GOLIM4: variants seen among roughly 807,000 people sequenced by gnomAD.
The protein encoded by GOLIM4 is 130 kDa golgi-localized phosphoprotein.
In GOLIM4, 71 loss-of-function variants were observed where a neutral mutation model predicts 107.4. The observed-to-expected ratio is 0.66, with a 90% CI of 0.55 to 0.81. The LOEUF is 0.81. GOLIM4 is among the 30% of genes least tolerant of loss of function. The probability of loss-of-function intolerance (pLI) is 0.00; values close to 1 mark genes in which losing one functional copy is unlikely to be tolerated. For missense variants in GOLIM4, 830 were observed against 826.1 expected, an observed-to-expected ratio of 1.00 and a Z score of -0.06; for synonymous variants, 327 against 294.8, an observed-to-expected ratio of 1.11 and a Z score of -1.12.
intron 1 of GOLIM4, among the ~76,000 whole-genome samples, chr3:168,070,940 T>C (rs1411508004): frequency 1.3e-5 from 2 of 152,216 alleles, no homozygotes; most frequent in African/African-American, 4.8e-5. Flanking sequence ...GCTAAATCTA[T>C]TCTAAGATTA....
At chr3:168,083,398 T>C (rs1242093623) in intron 1 of GOLIM4, among the ~76,000 whole-genome samples, 2 of 152,190 alleles carry the variant, frequency 1.3e-5, no homozygotes, top group Admixed American at 6.5e-5. Flanking sequence ...ATATTATCAA[T>C]GGGTTTTGAA....
intron 3 of GOLIM4, 37 bp downstream of exon 3, chr3:168,046,913 G>GAA: frequency 1.8e-6 from 2 of 1,113,780 alleles, no homozygotes; most frequent in Non-Finnish European, 2.5e-6. Context: ...ACAAATTAAG[G>GAA]AAAACAAACA....
rs9833493 is a variant in GOLIM4 at position 168,066,821 on chromosome 3, A to G, written c.188-18456T>C. On this transcript the variant is annotated intron_variant, in intron 1 of 15. Coordinates refer to ENST00000470487, the MANE Select transcript of GOLIM4 (RefSeq NM_014498.5). ...TTATCTTACATGCACAATGCTTAAAATGCATTAACTTACAAAACATTAAAC... is the reference window on the plus strand; with the variant it reads ...TTATCTTACATGCACAATGCTTAAAGTGCATTAACTTACAAAACATTAAAC... Among the ~76,000 whole-genome samples the G allele has an allele frequency of 3.7e-3, 559 of 152,246 alleles. 3 individuals carry two copies. Among genetic ancestry groups the G allele is most frequent in the African/African-American group, 0.012 (511 of 41,570 alleles).
chr3:168,048,783 G>A lies in GOLIM4; in HGVS notation c.188-418C>T, dbSNP rs147406708. On this transcript the variant is annotated intron_variant, in intron 1 of 15. Transcript: ENST00000470487. The stretch of plus-strand genomic sequence containing the variant: ...CTGGCTTCTCTCTGACTCTAGAAGG[G>A]TATTTTCTCCTAAATATTCCATAAG... Among the ~76,000 whole-genome samples, 319 of 152,238 alleles carry A rather than the reference G, an allele frequency of 2.1e-3. 1 individual carries two copies. The highest frequency in any genetic ancestry group is 7.4e-3 in the African/African-American group (306 of 41,548).
chr3:168,061,587 T>C (rs1201951808), intron 1 of GOLIM4, among the ~76,000 whole-genome samples: 1 of 152,208 alleles, frequency 6.6e-6, no homozygotes, highest in African/African-American at 2.4e-5. Flanking sequence ...ACGGATAAGC[T>C]GTGGTTGTTC....
rs145417331 is a variant in GOLIM4, at chr3:168,018,669, G to T, written c.1860+5857C>A. Among the ~76,000 whole-genome samples the T allele has an allele frequency of 2.2e-3, 338 of 152,230 alleles. 3 individuals are homozygous for T. The highest frequency in any genetic ancestry group is 7.9e-3 in the African/African-American group (327 of 41,524). On this transcript the variant is annotated intron_variant, in intron 14 of 15. Coordinates refer to ENST00000470487, the MANE Select transcript of GOLIM4 (RefSeq NM_014498.5). ...CACAGGACATTGGGATGAAAACAAT[G>T]AAGTACTTACTTCAGGCCTATCTTA...
intron 3 of GOLIM4, among the ~76,000 whole-genome samples, chr3:168,046,047 A>T (rs1200626827): frequency 6.6e-6 from 1 of 152,096 alleles, no homozygotes; most frequent in African/African-American, 2.4e-5. Flanking sequence ...ACGCCCAGCT[A>T]ATATTTTGTA....
rs1451941612 is a variant in GOLIM4 at position 168,032,437 on chromosome 3, T to C, written c.1176+83A>G. 6 of 919,296 alleles carry C rather than the reference T, an allele frequency of 6.5e-6. No homozygotes were observed. The African/African-American group carries it at 6.6e-5, about 10-fold the overall frequency. The allele number at this position is 919,296 out of a possible 1,614,324, so 56.9% of individuals were successfully genotyped here. A position where few individuals can be genotyped will look rare whatever the true frequency, so the allele number is the denominator to read the frequency against. On this transcript the variant is annotated intron_variant, in intron 9 of 15. Coordinates refer to ENST00000470487, the MANE Select transcript of GOLIM4 (RefSeq NM_014498.5). ...ATCACTCACATTTCTATTTTAGAGA[T>C]TGTGATATATTACCTTAATATGTAA... is the stretch of plus-strand genomic sequence containing the variant.
chr3:168,015,732 C>T lies in GOLIM4; in HGVS notation c.1861-4909G>A, dbSNP rs1208947483. Among the ~76,000 whole-genome samples the T allele has an allele frequency of 1.2e-4, 16 of 134,802 alleles. 1 individual carries two copies. The highest frequency in any genetic ancestry group is 4.2e-4 in the African/African-American group (11 of 26,232). 88.4% of individuals were successfully genotyped at this position (134,802 alleles called of 152,430 possible). A position where few individuals can be genotyped will look rare whatever the true frequency, so the allele number is the denominator to read the frequency against. On this transcript the variant is annotated intron_variant, in intron 14 of 15. Transcript: ENST00000470487. The stretch of plus-strand genomic sequence containing the variant: ...AACAGAACAGAGCCCTCAGAAATAA[C>T]GTCGCATATCTACAACTATCTGATC...
intron 1 of GOLIM4, among the ~76,000 whole-genome samples, chr3:168,064,634 G>T (rs957947442): frequency 6.8e-6 from 1 of 148,036 alleles, no homozygotes; most frequent in South Asian, 2.1e-4. Flanking sequence ...ACAGGGTCTC[G>T]CTACGTTGCC....
chr3:168,056,643 T>C (rs1044867190), intron 1 of GOLIM4, among the ~76,000 whole-genome samples: 1 of 152,196 alleles, frequency 6.6e-6, no homozygotes, highest in African/African-American at 2.4e-5. Context: ...ATATGAGACA[T>C]GGAATCAAAG....
At chr3:168,086,061 T>C (rs1056463825) in intron 1 of GOLIM4, among the ~76,000 whole-genome samples, 1 of 152,106 alleles carries the variant, frequency 6.6e-6, no homozygotes, top group Admixed American at 6.6e-5. Context: ...GTAAAAAAAA[T>C]TATTTTTCAT....
intron 1 of GOLIM4, among the ~76,000 whole-genome samples, chr3:168,070,860 T>C (rs967476723): frequency 6.6e-5 from 10 of 152,092 alleles, no homozygotes; most frequent in African/African-American, 2.4e-4. Flanking sequence ...CAGAGGTGAG[T>C]TCCTCAACTT....
At chr3:168,010,611 C>A in intron 15 of GOLIM4, 132 bp downstream of exon 15, 1 of 806,358 alleles carries the variant, frequency 1.2e-6, no homozygotes, top group Non-Finnish European at 2.0e-6. Context: ...TCAGGTGGGC[C>A]TGTTAAATTC....
chr3:168,070,610 T>C (rs1720786564), intron 1 of GOLIM4, among the ~76,000 whole-genome samples: 1 of 152,202 alleles, frequency 6.6e-6, no homozygotes. Context: ...AAATGAATTG[T>C]TTTTACTATT....
chr3:168,067,191 G>C (rs1461246339), intron 1 of GOLIM4, among the ~76,000 whole-genome samples: 2 of 152,034 alleles, frequency 1.3e-5, no homozygotes, highest in East Asian at 3.9e-4. Context: ...CTCCTAATGA[G>C]CATAATTTTG....
rs562923512 is a variant in GOLIM4, at chr3:168,010,150, A to G, written c.*119T>C. ...TGCGCATTTCTAATACAAAAGTTTT[A>G]AAAAAGTCTAAGTTCTTAATTTTTG... On this transcript the variant is annotated 3_prime_UTR_variant, in exon 16 of 16. Transcript: ENST00000470487. The G allele has an allele frequency of 1.1e-6, 1 of 885,206 alleles. No individual in the cohort carries two copies. Among genetic ancestry groups the G allele is most frequent in the Non-Finnish European group, 1.7e-6 (1 of 593,168 alleles). 54.8% of individuals were successfully genotyped at this position (885,206 alleles called of 1,614,324 possible). A position where few individuals can be genotyped will look rare whatever the true frequency, so the allele number is the denominator to read the frequency against.
chr3:168,065,408 A>G (rs1472030070), intron 1 of GOLIM4, among the ~76,000 whole-genome samples: 1 of 152,238 alleles, frequency 6.6e-6, no homozygotes, highest in East Asian at 1.9e-4. Context: ...TCTGTCACCT[A>G]TGATTTTCAA....
chr3:168,044,922 T>A, intron 3 of GOLIM4, 41 bp from the exon 4 acceptor site: 1 of 1,156,524 alleles, frequency 8.6e-7, no homozygotes, highest in Non-Finnish European at 1.3e-6. Flanking sequence ...AAGATAAATA[T>A]GGCTCTCTTG....
Sources: allele counts gnomAD v4.1 joint callset (sites outside exome capture counted in the v4.1 genomes callset), GRCh38; gene constraint gnomAD v4.1.1; transcripts MANE v1.5; gene names NCBI Gene and HGNC (gene_info 2026-07-23, HGNC 2026-07-21).